PCDHA3: variants seen among roughly 807,000 people sequenced by gnomAD.
PCDHA3 encodes the protein protocadherin alpha-3.
Under a neutral mutation model 62.2 loss-of-function variants are expected in PCDHA3, and 41 were observed. The observed-to-expected ratio is 0.66, with a 90% CI of 0.51 to 0.86. The LOEUF (loss-of-function observed/expected upper bound fraction) is 0.86, where lower values mean the gene tolerates loss of function less well. Among genes scored for constraint, PCDHA3 ranks in the 40% least tolerant of loss-of-function variants. The pLI is 0.00. For missense variants in PCDHA3, 1,304 were observed against 1,241.2 expected, an observed-to-expected ratio of 1.05 and a Z score of -0.76; for synonymous variants, 640 against 555.4, an observed-to-expected ratio of 1.15 and a Z score of -2.14.
At chr5:140,901,469 G>A (rs1056054450) in intron 1 of PCDHA3, among the ~76,000 whole-genome samples, 1 of 152,080 alleles carries the variant, frequency 6.6e-6, no homozygotes, top group African/African-American at 2.4e-5. Flanking sequence ...CTTTTCTCGA[G>A]TTTATGTTCT....
chr5:140,834,272 C>A, intron 1 of PCDHA3: 1 of 1,066,346 alleles, frequency 9.4e-7, no homozygotes, highest in Non-Finnish European at 1.4e-6. Flanking sequence ...CTCTTTCACT[C>A]TTTGGATGCA....
chr5:140,922,498 G>C (rs2080865421), intron 1 of PCDHA3, among the ~76,000 whole-genome samples: 1 of 152,230 alleles, frequency 6.6e-6, no homozygotes, highest in African/African-American at 2.4e-5. Context: ...CTGAGAGTGA[G>C]CAGATGCACC....
At chr5:140,998,274 T>C (rs2097804171) in intron 3 of PCDHA3, among the ~76,000 whole-genome samples, 1 of 152,162 alleles carries the variant, frequency 6.6e-6, no homozygotes, top group African/African-American at 2.4e-5. Flanking sequence ...CTGACACCCA[T>C]AGGATTAAAT....
chr5:140,836,322 C>T (rs2150257752), intron 1 of PCDHA3: 37 of 1,613,644 alleles, frequency 2.3e-5, no homozygotes, highest in Admixed American at 3.3e-5. Context: ...GCGCCACCGC[C>T]TTCTGGTGCT....
At chr5:140,808,672 A>T in intron 1 of PCDHA3, 1 of 1,612,834 alleles carries the variant, frequency 6.2e-7, no homozygotes, top group South Asian at 1.1e-5. Context: ...ACTCGCTGGT[A>T]GAGCGGCGGG....
intron 1 of PCDHA3, among the ~76,000 whole-genome samples, chr5:140,846,179 C>T (rs1250648449): frequency 1.3e-5 from 2 of 149,312 alleles, no homozygotes; most frequent in African/African-American, 4.9e-5. Flanking sequence ...CCTGAGTAGG[C>T]GTTTGAGTTC....
intron 1 of PCDHA3, chr5:140,850,199 T>C (rs2041415028): frequency 1.9e-6 from 3 of 1,592,798 alleles, no homozygotes; most frequent in Admixed American, 1.7e-5. Context: ...TGCTGACACC[T>C]CGGATGAGGG....
Position 140,836,319 on chromosome 5 carries a change from C to A in PCDHA3, c.2394+32728C>A, listed in dbSNP as rs2150257608. ...AGATGAGACGGACGCACCGCGCCAC[C>A]GCCTTCTGGTGCTTGTGAAGGACCA... On this transcript the variant is annotated intron_variant, in intron 1 of 3. Coordinates refer to ENST00000522353, the MANE Select transcript of PCDHA3 (RefSeq NM_018906.3). 3.7e-6 allele frequency: 6 copies of A among 1,613,720 alleles called. No homozygotes were observed. The South Asian group carries it at 4.4e-5, about 12-fold the overall frequency.
intron 1 of PCDHA3, among the ~76,000 whole-genome samples, chr5:140,936,711 A>G (rs2091105126): frequency 6.6e-6 from 1 of 152,212 alleles, no homozygotes; most frequent in African/African-American, 2.4e-5. Flanking sequence ...TCTTGTGCCA[A>G]TACATTCTGT....
intron 1 of PCDHA3, chr5:140,804,727 AC>A (rs1277154639): frequency 5.3e-6 from 1 of 188,334 alleles, no homozygotes; most frequent in African/African-American, 2.3e-5. Context: ...TCTAATCACT[AC>A]CCCTACATAT....
At chr5:140,998,968 T>A (rs2097841777) in intron 3 of PCDHA3, among the ~76,000 whole-genome samples, 1 of 152,238 alleles carries the variant, frequency 6.6e-6, no homozygotes, top group Non-Finnish European at 1.5e-5. Context: ...TCAAATAGTA[T>A]CCTAGAAAAT....
chr5:140,803,392 G>T lies in PCDHA3; in HGVS notation c.2195G>T (p.Cys732Phe). 6.2e-7 allele frequency: 1 copy of T among 1,614,246 alleles called. No individual in the cohort carries two copies. The highest frequency in any genetic ancestry group is 8.5e-7 in the Non-Finnish European group (1 of 1,180,048). Residue 732 changes from cysteine (C) to phenylalanine (F), a missense_variant, in exon 1 of 4, where the codon TGT becomes TTT. Coordinates refer to ENST00000522353, the MANE Select transcript of PCDHA3 (RefSeq NM_018906.3). ...RCSAPPTEGD[C>F]GPGKPTLVCS... ...TCCGCGCCGCCAACCGAAGGCGACT[G>T]TGGGCCGGGCAAGCCCACGCTGGTG...
chr5:140,801,772 T>G lies in PCDHA3; in HGVS notation c.575T>G (p.Leu192Arg). Reference sequence around the variant, plus strand: ...AGAAATGATGAGGAAATTAAATCCCTTGGACTCGTGTTGAAAAAAAATTTA... The same window carrying G: ...AGAAATGATGAGGAAATTAAATCCCGTGGACTCGTGTTGAAAAAAAATTTA... ...VKRNDEEIKS[L>R]GLVLKKNLNR... The change falls in exon 1 of 4, where the codon CTT becomes CGT. Residue 192 changes from leucine to arginine, a missense_variant. Leu to Arg is a moderately radical substitution (Grantham distance 102, BLOSUM62 -2). Coordinates refer to ENST00000522353, the MANE Select transcript of PCDHA3 (RefSeq NM_018906.3). 1 of 1,614,060 alleles carries G rather than the reference T, an allele frequency of 6.2e-7. No homozygotes were observed. Among genetic ancestry groups the G allele is most frequent in the East Asian group, 2.2e-5 (1 of 44,884 alleles).
chr5:141,009,941 C>T lies in PCDHA3; in HGVS notation c.*4C>T, dbSNP rs976573218. On this transcript the variant is annotated 3_prime_UTR_variant, in exon 4 of 4. Coordinates refer to ENST00000522353, the MANE Select transcript of PCDHA3 (RefSeq NM_018906.3). ...GACTGACAACAGTGACCAGTGAGGT[C>T]CTCAAATGGAAACAAGCCACTTAGC... is the stretch of plus-strand genomic sequence containing the variant. 6.3e-7 allele frequency: 1 copy of T among 1,597,476 alleles called. No individual in the cohort carries two copies. The highest frequency in any genetic ancestry group is 1.4e-5 in the African/African-American group (1 of 73,558).
chr5:140,831,526 T>C (rs2150196018), intron 1 of PCDHA3, among the ~76,000 whole-genome samples: 1 of 114,962 alleles, frequency 8.7e-6, no homozygotes, highest in African/African-American at 4.1e-5. Context: ...CCACCTTTTT[T>C]TTTTTTTTTT....
intron 3 of PCDHA3, among the ~76,000 whole-genome samples, chr5:141,006,789 C>T (rs1388215052): frequency 6.6e-6 from 1 of 152,026 alleles, no homozygotes; most frequent in Non-Finnish European, 1.5e-5. Flanking sequence ...GAATAATTAG[C>T]TTTGAACTTT....
At chr5:140,823,566 C>CCCT (rs1767771427) in intron 1 of PCDHA3, 1 of 1,613,826 alleles carries the variant, frequency 6.2e-7, no homozygotes, top group South Asian at 1.1e-5. Flanking sequence ...GCGCAGTGGA[C>CCCT]CCTGATTCGG....
chr5:140,947,551 C>G (rs1203978810), intron 1 of PCDHA3, among the ~76,000 whole-genome samples: 3 of 151,488 alleles, frequency 2.0e-5, no homozygotes, highest in Non-Finnish European at 4.4e-5. Context: ...AAGAATTCCG[C>G]TGGGATTTAT....
chr5:140,858,650 T>G, intron 1 of PCDHA3: 2 of 822,762 alleles, frequency 2.4e-6, no homozygotes, highest in South Asian at 3.9e-5. Context: ...GGTACTTAAA[T>G]TTTTTTAAAT....
Sources: gnomAD v4.1 joint callset for allele counts (sites outside exome capture counted in the v4.1 genomes callset) on GRCh38, gnomAD v4.1.1 for gene constraint, MANE v1.5 for transcripts, NCBI Gene and HGNC (gene_info 2026-07-23, HGNC 2026-07-21) for gene names.